The following FSD1L variants were observed in gnomAD, a reference collection of about 807,000 sequenced individuals.
The protein encoded by FSD1L is FSD1-like protein.
In FSD1L, 45 loss-of-function variants were observed where a neutral mutation model predicts 71.6. That is an observed-to-expected ratio of 0.63 (90% CI 0.49 to 0.81). The LOEUF (loss-of-function observed/expected upper bound fraction) is 0.81. Among genes scored for constraint, FSD1L ranks in the 30% least tolerant of loss-of-function variants. FSD1L has a pLI of 0.00. For synonymous variants in FSD1L, 197 were observed against 207.2 expected (o/e 0.95, Z 0.42); for missense variants, 561 against 618.1 (o/e 0.91, Z 0.98).
At chr9:105,533,017 C>G (rs1835995315) in intron 10 of FSD1L, among the ~76,000 whole-genome samples, 1 of 152,062 alleles carries the variant, frequency 6.6e-6, no homozygotes, top group Non-Finnish European at 1.5e-5. Flanking sequence ...GATTTCTAGT[C>G]TAGTATTGGT....
chr9:105,511,756 T>TA (rs777796819), intron 9 of FSD1L, among the ~76,000 whole-genome samples: 21 of 152,140 alleles, frequency 1.4e-4, no homozygotes, highest in Non-Finnish European at 2.1e-4. Context: ...ATAAAAGGAT[T>TA]ATTGATTCAT....
chr9:105,533,170 G>A (rs993805323), intron 10 of FSD1L, among the ~76,000 whole-genome samples: 7 of 151,938 alleles, frequency 4.6e-5, no homozygotes, highest in Admixed American at 4.6e-4. Flanking sequence ...GGATAATCTT[G>A]ACCAAAAAAT....
chr9:105,476,923 T>A (rs1831843277), intron 5 of FSD1L, among the ~76,000 whole-genome samples: 1 of 152,206 alleles, frequency 6.6e-6, no homozygotes, highest in South Asian at 2.1e-4. Flanking sequence ...TGCAGTAAAA[T>A]TTGAACCTAA....
At chr9:105,448,010 A>G, upstream of FSD1L, 1 of 584,732 alleles carries the variant, frequency 1.7e-6, no homozygotes, top group Non-Finnish European at 3.0e-6. Flanking sequence ...TGCGCTCCTC[A>G]GCCCCTCCCT....
chr9:105,504,359 T>C (rs1193221011), intron 7 of FSD1L, among the ~76,000 whole-genome samples: 1 of 152,240 alleles, frequency 6.6e-6, no homozygotes, highest in Non-Finnish European at 1.5e-5. Flanking sequence ...TAATAAGTTA[T>C]ATCCAATTCT....
Position 105,485,923 on chromosome 9 carries a change from G to A in FSD1L, c.586+1421G>A, listed in dbSNP as rs575276942. 1.7e-4 allele frequency among the ~76,000 whole-genome samples: 26 copies of A among 152,184 alleles called. No homozygotes were observed. The South Asian group carries it at 5.2e-3, about 30-fold the overall frequency. ...CTCCCAAAGTGCTGGGATTACAGGCGTGAGCACAAGTACTTTTTTTTTTGG... is the reference window on the plus strand; with the variant it reads ...CTCCCAAAGTGCTGGGATTACAGGCATGAGCACAAGTACTTTTTTTTTTGG... On this transcript the variant is annotated intron_variant, in intron 7 of 13. Coordinates refer to ENST00000481272, the MANE Select transcript of FSD1L (RefSeq NM_001145313.3).
At chr9:105,482,946 T>C (rs1045495989) in intron 6 of FSD1L, among the ~76,000 whole-genome samples, 4 of 152,218 alleles carry the variant, frequency 2.6e-5, no homozygotes, top group Admixed American at 6.5e-5. Context: ...ACTGATTCAG[T>C]GAGCATTTAG....
At chr9:105,483,932 A>G (rs1832370610) in intron 6 of FSD1L, among the ~76,000 whole-genome samples, 3 of 152,186 alleles carry the variant, frequency 2.0e-5, no homozygotes, top group Admixed American at 2.0e-4. Flanking sequence ...TACATGGGAT[A>G]GCTCTTATTA....
chr9:105,473,871 T>C (rs771915584), intron 5 of FSD1L, among the ~76,000 whole-genome samples: 7 of 152,268 alleles, frequency 4.6e-5, no homozygotes, highest in African/African-American at 9.6e-5. Flanking sequence ...GTTTCTGTTA[T>C]AATTTGTTCC....
rs547094315 is a variant in FSD1L at position 105,510,750 on chromosome 9, A to G, written c.895+2035A>G. Among the ~76,000 whole-genome samples, 14 of 152,264 alleles carry G rather than the reference A, an allele frequency of 9.2e-5. 1 individual carries two copies. Among genetic ancestry groups the G allele is most frequent in the African/African-American group, 3.1e-4 (13 of 41,570 alleles). ...TATATTATTAGTTATTTTCTTGTGA[A>G]GGTAAATGATATTAAATTACTAAAT... is the stretch of plus-strand genomic sequence containing the variant. On this transcript the variant is annotated intron_variant, in intron 9 of 13. Coordinates refer to ENST00000481272, the MANE Select transcript of FSD1L (RefSeq NM_001145313.3).
At chr9:105,486,838 G>GC (rs1372443072) in intron 7 of FSD1L, among the ~76,000 whole-genome samples, 1 of 152,074 alleles carries the variant, frequency 6.6e-6, no homozygotes, top group Non-Finnish European at 1.5e-5. Flanking sequence ...GTATAAAGTA[G>GC]CCCTCTCATC....
At chr9:105,508,101 TC>T (rs1394393184) in intron 8 of FSD1L, among the ~76,000 whole-genome samples, 4 of 151,726 alleles carry the variant, frequency 2.6e-5, no homozygotes, top group African/African-American at 9.7e-5. Flanking sequence ...ACTCCTGACC[TC>T]AGGTTCGGGA....
intron 7 of FSD1L, among the ~76,000 whole-genome samples, chr9:105,493,571 A>G (rs1012344976): frequency 1.3e-5 from 2 of 152,192 alleles, no homozygotes; most frequent in Non-Finnish European, 2.9e-5. Context: ...TTTGCTCGTT[A>G]GTTGATGCAG....
At chr9:105,452,711 C>CTTCCTTCCTTCCTTCCTTCT (rs1564073534) in intron 1 of FSD1L, among the ~76,000 whole-genome samples, 2 of 149,038 alleles carry the variant, frequency 1.3e-5, no homozygotes, top group African/African-American at 2.5e-5. Flanking sequence ...TCCTTCCTTC[C>CTTCCTTCCTTCCTTCCTTCT]TTCCTTCTTT....
intron 4 of FSD1L, among the ~76,000 whole-genome samples, chr9:105,470,269 A>AT (rs1443952519): frequency 6.6e-6 from 1 of 151,898 alleles, no homozygotes; most frequent in Admixed American, 6.6e-5. Context: ...TTTTATATAT[A>AT]TTTTTTCTGT....
chr9:105,478,979 A>G (rs998323225), intron 5 of FSD1L, among the ~76,000 whole-genome samples: 16 of 152,244 alleles, frequency 1.1e-4, no homozygotes, highest in Non-Finnish European at 2.1e-4. Context: ...CAAGAAAACC[A>G]TGAAGGAAGT....
intron 12 of FSD1L, among the ~76,000 whole-genome samples, chr9:105,537,385 C>A (rs1836336007): frequency 6.6e-6 from 1 of 151,986 alleles, no homozygotes; most frequent in African/African-American, 2.4e-5. Flanking sequence ...ACTTATTCAC[C>A]TTGAATCAGT....
At chr9:105,483,185 T>C (rs1832322895) in intron 6 of FSD1L, among the ~76,000 whole-genome samples, 1 of 152,220 alleles carries the variant, frequency 6.6e-6, no homozygotes, top group Non-Finnish European at 1.5e-5. Flanking sequence ...AGTATAGCAC[T>C]TTCTTCTTGA....
chr9:105,502,707 C>T (rs536114276), intron 7 of FSD1L, among the ~76,000 whole-genome samples: 1 of 152,182 alleles, frequency 6.6e-6, no homozygotes, highest in Non-Finnish European at 1.5e-5. Context: ...AACCTTACTT[C>T]TTCCCTTCTT....
Sources: gnomAD v4.1 joint callset for allele counts (sites outside exome capture counted in the v4.1 genomes callset) on GRCh38, gnomAD v4.1.1 for gene constraint, MANE v1.5 for transcripts, NCBI Gene and HGNC (gene_info 2026-07-23, HGNC 2026-07-21) for gene names.